FANCD2: variants seen among roughly 807,000 people sequenced by gnomAD.
FANCD2 encodes FA complementation group D2.
In FANCD2, 131 loss-of-function variants were observed where a neutral mutation model predicts 192.3. That is an observed-to-expected ratio of 0.68 (90% CI 0.59 to 0.79). The LOEUF (loss-of-function observed/expected upper bound fraction) is 0.79. Among genes scored for constraint, FANCD2 ranks in the 30% least tolerant of loss-of-function variants. FANCD2 has a pLI of 0.00. For missense variants in FANCD2, 1,508 were observed against 1,701.6 expected, an observed-to-expected ratio of 0.89 and a Z score of 2.00; for synonymous variants, 524 against 612.5, an observed-to-expected ratio of 0.86 and a Z score of 2.13.
intron 10 of FANCD2, 136 bp downstream of exon 10, chr3:10,041,846 T>C: frequency 1.6e-6 from 1 of 616,540 alleles, no homozygotes; most frequent in African/African-American, 2.0e-5. Flanking sequence ...ATCTCTCTTT[T>C]TTTTTTTTTT....
Position 10,081,427 on chromosome 3 carries a change from C to G in FANCD2, c.3187C>G (p.Gln1063Glu), listed in dbSNP as rs2125060150. The G allele has an allele frequency of 6.2e-7, 1 of 1,614,008 alleles. No homozygotes were observed. The highest frequency in any genetic ancestry group is 8.5e-7 in the Non-Finnish European group (1 of 1,179,884). ...QEYHIMSSCY[Q>E]RLLQIFHGLF... ...GTACCACATAATGTCTTCCTGCTAT[C>G]AGAGGCTGCTGCAGATTTTTCATGG... Residue 1063 changes from glutamine to glutamate, a missense_variant, in exon 32 of 44, where the codon CAG becomes GAG. Around this residue, in one of 5 missense-constraint regions of FANCD2, gnomAD observed 796 missense variants for 879.4 expected, o/e 0.91. Transcript: ENST00000675286.
intron 26 of FANCD2, among the ~76,000 whole-genome samples, chr3:10,069,459 G>GCCTCTC (rs771989089): frequency 1.5e-5 from 2 of 129,432 alleles, no homozygotes; most frequent in Non-Finnish European, 3.1e-5. Context: ...TAGTTAAGAT[G>GCCTCTC]CCTCTCCCCC....
At chr3:10,031,239 C>T (rs938978709) in intron 2 of FANCD2, among the ~76,000 whole-genome samples, 34 of 152,136 alleles carry the variant, frequency 2.2e-4, no homozygotes, top group African/African-American at 7.2e-4. Context: ...CACGGTGGCT[C>T]ACGCCTGTAA....
intron 42 of FANCD2, 57 bp from the exon 43 acceptor site, chr3:10,098,662 CT>C (rs1695122346): frequency 5.6e-6 from 9 of 1,594,530 alleles, no homozygotes; most frequent in Admixed American, 1.8e-5. Flanking sequence ...ACCTTCTCCC[CT>C]ATTACCCTAA....
intron 36 of FANCD2, among the ~76,000 whole-genome samples, chr3:10,089,547 G>T (rs1004355907): frequency 6.6e-6 from 1 of 151,642 alleles, no homozygotes; most frequent in Non-Finnish European, 1.5e-5. Flanking sequence ...TCAGCTCACT[G>T]CAACCTCCAC....
intron 32 of FANCD2, 165 bp downstream of exon 32, chr3:10,081,629 C>A: frequency 1.4e-6 from 1 of 704,718 alleles, no homozygotes; most frequent in Admixed American, 2.0e-5. Flanking sequence ...TTCATTTGAT[C>A]TTGTACCCTC....
At chr3:10,069,038 A>C (rs2125041373) in intron 26 of FANCD2, among the ~76,000 whole-genome samples, 1 of 151,158 alleles carries the variant, frequency 6.6e-6, no homozygotes, top group Non-Finnish European at 1.5e-5. Context: ...GAAACTACTA[A>C]CAACAACAAC....
intron 37 of FANCD2, 134 bp from the exon 38 acceptor site, chr3:10,092,047 G>C: frequency 1.3e-6 from 1 of 786,350 alleles, no homozygotes; most frequent in South Asian, 1.3e-5. Context: ...TGGATGCACT[G>C]GTTGCTACAT....
chr3:10,101,100 A>T, intron 43 of FANCD2, 88 bp from the exon 44 acceptor site: 1 of 1,001,148 alleles, frequency 1.0e-6, no homozygotes, highest in Non-Finnish European at 1.6e-6. Context: ...TGATAATAGT[A>T]CAGTTGTGTA....
intron 19 of FANCD2, 150 bp downstream of exon 19, chr3:10,060,553 G>GT (rs1309221174): frequency 1.7e-5 from 12 of 697,896 alleles, no homozygotes; most frequent in Non-Finnish European, 2.9e-5. Flanking sequence ...CCTTCTAATC[G>GT]TGACTGTATA....
chr3:10,030,189 C>T (rs894489591), intron 2 of FANCD2, among the ~76,000 whole-genome samples: 6 of 151,586 alleles, frequency 4.0e-5, no homozygotes, highest in Admixed American at 1.3e-4. Flanking sequence ...CTCCGCCTCC[C>T]GGGTTCAAGC....
In FANCD2 at chr3:10,049,653, A is replaced by G. The variant is rs576733617; in HGVS notation, c.1545+148A>G. 4.2e-5 allele frequency: 34 copies of G among 804,226 alleles called. No homozygotes were observed. In the East Asian group the frequency reaches 7.8e-4, roughly 18 times the overall value. 49.8% of individuals were successfully genotyped at this position (804,226 alleles called of 1,614,324 possible). On this transcript the variant is annotated intron_variant, in intron 17 of 43. Coordinates refer to ENST00000675286, the MANE Select transcript of FANCD2 (RefSeq NM_001018115.3). ...ATTCATTCAGCAAACACTTCTTTATACCTAACCTACAGGCTAATCTCTATT... is the reference window on the plus strand; with the variant it reads ...ATTCATTCAGCAAACACTTCTTTATGCCTAACCTACAGGCTAATCTCTATT...
At chr3:10,052,304 C>G (rs1000333559) in intron 17 of FANCD2, 83 bp from the exon 18 acceptor site, 42 of 915,378 alleles carry the variant, frequency 4.6e-5, no homozygotes, top group Non-Finnish European at 7.1e-5. Context: ...ATGTGTGTCT[C>G]TTTTACAGGG....
At chr3:10,043,019 G>T in intron 11 of FANCD2, 31 bp from the exon 12 acceptor site, 1 of 1,592,774 alleles carries the variant, frequency 6.3e-7, no homozygotes, top group Non-Finnish European at 8.6e-7. Flanking sequence ...TGAATGAGCA[G>T]AAAACCATAG....
In FANCD2 at chr3:10,090,403, C is replaced by G. The variant is rs1472588999; in HGVS notation, c.3777+18C>G. 1 of 1,409,020 alleles carries G rather than the reference C, an allele frequency of 7.1e-7. No homozygotes were observed. Among genetic ancestry groups the G allele is most frequent in the South Asian group, 1.1e-5 (1 of 86,962 alleles). 87.3% of individuals were successfully genotyped at this position (1,409,020 alleles called of 1,614,324 possible). ...CGCAGCAGGTGAGTAAGATAATAGTCACTTCAAGAAGTGGACTTTGGATTA... is the reference window on the plus strand; with the variant it reads ...CGCAGCAGGTGAGTAAGATAATAGTGACTTCAAGAAGTGGACTTTGGATTA... On this transcript the variant is annotated intron_variant, in intron 37 of 43. Transcript: ENST00000675286.
At chr3:10,040,006 A>G (rs1246926654) in intron 9 of FANCD2, 161 bp downstream of exon 9, 14 of 652,592 alleles carry the variant, frequency 2.1e-5, no homozygotes, top group African/African-American at 3.7e-5. Flanking sequence ...AAAAAAAGGT[A>G]TATATTTGAA....
intron 2 of FANCD2, among the ~76,000 whole-genome samples, chr3:10,031,245 T>C (rs898356600): frequency 1.3e-5 from 2 of 152,146 alleles, no homozygotes; most frequent in Non-Finnish European, 2.9e-5. Flanking sequence ...GGCTCACGCC[T>C]GTAATCCCAG....
intron 18 of FANCD2, 106 bp from the exon 19 acceptor site, chr3:10,060,188 A>G (rs2087525271): frequency 7.0e-6 from 5 of 714,364 alleles, no homozygotes; most frequent in Non-Finnish European, 1.2e-5. Flanking sequence ...AAAAACAGTT[A>G]GTAAACGGTA....
chr3:10,057,539 A>G (rs2087449234), intron 18 of FANCD2, among the ~76,000 whole-genome samples: 1 of 151,852 alleles, frequency 6.6e-6, no homozygotes. Flanking sequence ...TAATTTTTGT[A>G]TTTTTAGTAG....
Sources: gnomAD v4.1 joint callset for allele counts (sites outside exome capture counted in the v4.1 genomes callset) on GRCh38, gnomAD v4.1.1 for gene constraint, gnomAD v4.1.1 regional missense constraint, MANE v1.5 for transcripts, NCBI Gene and HGNC (gene_info 2026-07-23, HGNC 2026-07-21) for gene names.